The following ATOSA variants were observed in gnomAD, a reference collection of about 807,000 sequenced individuals.
The protein encoded by ATOSA is atos homolog A.
At chr15:52,697,957 A>ATTTTTTTTTTTT in the ATOSA span, among the ~76,000 whole-genome samples, 120 of 44,780 alleles carry the variant, frequency 2.7e-3, 9 homozygotes, top group Non-Finnish European at 3.8e-3. Context: ...GGGATGTAGA[A>ATTTTTTTTTTTT]TTTTTTTTTT....
At chr15:52,707,370 C>T in the ATOSA span, among the ~76,000 whole-genome samples, 2 of 152,182 alleles carry the variant, frequency 1.3e-5, no homozygotes, top group East Asian at 3.8e-4. Flanking sequence ...TATCACACGT[C>T]TCCAGAAATG....
At chr15:52,587,037 C>T in the ATOSA span, 1 of 1,566,206 alleles carries the variant, frequency 6.4e-7, no homozygotes, top group Non-Finnish European at 8.6e-7. Flanking sequence ...AACAAAGCTG[C>T]AGCCCCACTG....
chr15:52,645,770 G>A, the ATOSA span, among the ~76,000 whole-genome samples: 23 of 152,074 alleles, frequency 1.5e-4, no homozygotes, highest in Non-Finnish European at 3.4e-4. Context: ...TATTCTTTGT[G>A]GGAATATTCC....
chr15:52,647,196 C>T, the ATOSA span, among the ~76,000 whole-genome samples: 1 of 151,678 alleles, frequency 6.6e-6, no homozygotes, highest in Admixed American at 6.6e-5. Context: ...TTTCATTAAG[C>T]TAACCTGCAC....
the ATOSA span, among the ~76,000 whole-genome samples, chr15:52,705,877 T>C: frequency 6.6e-6 from 1 of 152,232 alleles, no homozygotes. Context: ...CTTTTTACTC[T>C]ATATTATTTA....
At chr15:52,686,555 C>T in the ATOSA span, among the ~76,000 whole-genome samples, 1 of 152,184 alleles carries the variant, frequency 6.6e-6, no homozygotes, top group African/African-American at 2.4e-5. Context: ...AGACTAAATT[C>T]TTCACATGTA....
chr15:52,645,374 G>A, the ATOSA span, among the ~76,000 whole-genome samples: 1 of 152,168 alleles, frequency 6.6e-6, no homozygotes, highest in Admixed American at 6.5e-5. Flanking sequence ...GGGAGGCGGA[G>A]GCTGAAGTGA....
chr15:52,648,641 C>G, the ATOSA span: 5 of 152,102 alleles, frequency 3.3e-5, no homozygotes, highest in East Asian at 5.8e-4. Flanking sequence ...ATTAAGAAAA[C>G]AGAAACCAAC....
the ATOSA span, among the ~76,000 whole-genome samples, chr15:52,594,948 C>T: frequency 3.9e-5 from 6 of 152,188 alleles, no homozygotes; most frequent in Non-Finnish European, 7.3e-5. Flanking sequence ...ACTTAAGCTC[C>T]ACCATGCCTC....
the ATOSA span, chr15:52,593,410 T>C: frequency 6.8e-6 from 4 of 584,818 alleles, no homozygotes; most frequent in African/African-American, 1.9e-5. Context: ...AGGTTATCTG[T>C]TGTTTGAACT....
chr15:52,654,394 A>C, the ATOSA span, among the ~76,000 whole-genome samples: 1 of 152,326 alleles, frequency 6.6e-6, no homozygotes, highest in East Asian at 1.9e-4. Context: ...GCTTTTCCCC[A>C]GTTTGCTCAT....
the ATOSA span, among the ~76,000 whole-genome samples, chr15:52,698,160 T>A: frequency 1.8e-4 from 27 of 151,502 alleles, no homozygotes; most frequent in Admixed American, 3.3e-4. Flanking sequence ...TTTCTATTTT[T>A]AGTAGAGATG....
chr15:52,675,563 C>A, the ATOSA span, among the ~76,000 whole-genome samples: 1 of 152,224 alleles, frequency 6.6e-6, no homozygotes, highest in Non-Finnish European at 1.5e-5. Flanking sequence ...ACTTTACTCA[C>A]ACTCTGAATG....
chr15:52,587,174 G>A, the ATOSA span: 2 of 1,613,354 alleles, frequency 1.2e-6, no homozygotes, highest in East Asian at 4.5e-5. Context: ...CCTGAAGGAG[G>A]TACTCGATAA....
chr15:52,654,476 A>G, the ATOSA span, among the ~76,000 whole-genome samples: 44 of 152,192 alleles, frequency 2.9e-4, no homozygotes, highest in Non-Finnish European at 1.3e-4. Context: ...AAATCTCAAG[A>G]CTACAAACTA....
At chr15:52,681,129 C>T in the ATOSA span, among the ~76,000 whole-genome samples, 3 of 152,170 alleles carry the variant, frequency 2.0e-5, no homozygotes, top group South Asian at 4.1e-4. Flanking sequence ...TTTAACAGCA[C>T]TTGGGTAAAT....
At chr15:52,587,420 A>G in the ATOSA span, 1 of 482,902 alleles carries the variant, frequency 2.1e-6, no homozygotes, top group South Asian at 2.7e-5. Context: ...ATGTCGCTAT[A>G]AAGAATATAT....
chr15:52,619,234 A>G, the ATOSA span, among the ~76,000 whole-genome samples: 4 of 152,216 alleles, frequency 2.6e-5, no homozygotes, highest in South Asian at 2.1e-4. Context: ...TTACATTGTT[A>G]TAGATTGTAC....
the ATOSA span, among the ~76,000 whole-genome samples, chr15:52,620,138 C>T: frequency 6.6e-6 from 1 of 152,130 alleles, no homozygotes; most frequent in African/African-American, 2.4e-5. Flanking sequence ...AAGTGAACAA[C>T]TTAGCCATTG....
Sources: allele counts gnomAD v4.1 joint callset (sites outside exome capture counted in the v4.1 genomes callset), GRCh38; gene constraint gnomAD v4.1.1; transcripts MANE v1.5; gene names NCBI Gene and HGNC (gene_info 2026-07-23, HGNC 2026-07-21).